SLC12A7: variants seen among roughly 807,000 people sequenced by gnomAD.
SLC12A7 encodes the protein K-Cl cotransporter 4.
In SLC12A7, 100 loss-of-function variants were observed where a neutral mutation model predicts 120.6. The ratio of observed to expected loss-of-function variants is 0.83; its 90% confidence interval spans 0.71 to 0.98. The LOEUF (loss-of-function observed/expected upper bound fraction) is 0.98, where lower values mean the gene tolerates loss of function less well. Among genes scored for constraint, SLC12A7 ranks in the 50% least tolerant of loss-of-function variants. The pLI, the probability that SLC12A7 is intolerant of heterozygous loss-of-function variation, is 0.00. For synonymous variants in SLC12A7, 760 were observed against 678.0 expected, an observed-to-expected ratio of 1.12 and a Z score of -1.88; for missense variants, 1,373 against 1,548.1, an observed-to-expected ratio of 0.89 and a Z score of 1.90.
Position 1,083,725 on chromosome 5 carries a change from T to G in SLC12A7, c.1129+20A>C. On this transcript the variant is annotated intron_variant, in intron 8 of 23. Coordinates refer to ENST00000264930, the MANE Select transcript of SLC12A7 (RefSeq NM_006598.3). ...GCCCCCGCCACCCCCCAGCTCCAGC[T>G]GCAGCCCTGTGAGCCTCACCCAGGA... 6.2e-7 allele frequency: 1 copy of G among 1,610,006 alleles called. No individual in the cohort carries two copies. The highest frequency in any genetic ancestry group is 1.1e-5 in the South Asian group (1 of 91,036).
chr5:1,058,664 G>A (rs34036146), intron 21 of SLC12A7, among the ~76,000 whole-genome samples: 2 of 152,242 alleles, frequency 1.3e-5, no homozygotes, highest in African/African-American at 4.8e-5. Context: ...TGGCACAGAT[G>A]GGGGAGGGCC....
At chr5:1,064,435 G>T (rs1304126567) in intron 18 of SLC12A7, among the ~76,000 whole-genome samples, 183 bp from the exon 19 acceptor site, 1 of 152,254 alleles carries the variant, frequency 6.6e-6, no homozygotes, top group Non-Finnish European at 1.5e-5. Flanking sequence ...GAGTTCAGCT[G>T]CTGGTCATGT....
rs1369949590 is a variant in SLC12A7 at position 1,111,927 on chromosome 5, G to A, written c.65C>T (p.Ala22Val). 1.6e-6 allele frequency: 2 copies of A among 1,283,392 alleles called. No individual in the cohort carries two copies. Among genetic ancestry groups the A allele is most frequent in the South Asian group, 2.6e-5 (1 of 37,798 alleles). The allele number at this position is 1,283,392 out of a possible 1,614,324, so 79.5% of individuals were successfully genotyped here. ...GGTGCCCGGAGCCTCCGTCCGCTCG[G>A]CAGTCTCGTCCCCGCCGCCGTCGGC... is the stretch of plus-strand genomic sequence containing the variant. Reference protein sequence around the residue: ...AHADGGGDETAERTEAPGTPE... With the variant: ...AHADGGGDETVERTEAPGTPE... Residue 22 changes from alanine to valine, a missense_variant, in exon 1 of 24, where the codon GCC (alanine) becomes GTC (valine). Coordinates refer to ENST00000264930, the MANE Select transcript of SLC12A7 (RefSeq NM_006598.3).
rs1420449653 is a variant in SLC12A7, at chr5:1,073,646, T to C, written c.2228A>G (p.Gln743Arg). 6 of 1,603,248 alleles carry C rather than the reference T, an allele frequency of 3.7e-6. No individual in the cohort carries two copies. Among genetic ancestry groups the C allele is most frequent in the Non-Finnish European group, 4.3e-6 (5 of 1,175,678 alleles). Residue 743 changes from glutamine (Q) to arginine (R), a missense_variant, in exon 17 of 24, where the codon CAG (glutamine) becomes CGG (arginine). Gln to Arg is a conservative substitution (Grantham distance 43). Transcript: ENST00000264930. ...GTYLDKHMEA[Q>R]RAEENIRSLM... ...CGCCCGGCCCACCTCCTCGGCCCGC[T>C]GAGCCTCCATGTGCTTGTCCAGGTA... is the stretch of plus-strand genomic sequence containing the variant.
chr5:1,084,715 C>T (rs906256066), intron 7 of SLC12A7, among the ~76,000 whole-genome samples: 4 of 152,148 alleles, frequency 2.6e-5, no homozygotes, highest in Admixed American at 2.0e-4. Context: ...CACGCAGAGA[C>T]GGCAAAACCG....
chr5:1,099,948 G>A (rs1215178564), intron 1 of SLC12A7, among the ~76,000 whole-genome samples: 2 of 152,210 alleles, frequency 1.3e-5, no homozygotes, highest in Non-Finnish European at 2.9e-5. Flanking sequence ...CAACCTGAGG[G>A]CGCATGACCG....
chr5:1,138,590 C>T, the SLC12A7 span, among the ~76,000 whole-genome samples: 16 of 152,190 alleles, frequency 1.1e-4, no homozygotes, highest in South Asian at 4.1e-4. Context: ...GCTTAGAGCC[C>T]GCTCACATAA....
rs780915890 is a variant in SLC12A7 at position 1,053,363 on chromosome 5, T to C, written c.3146A>G (p.Gln1049Arg). 6.2e-7 allele frequency: 1 copy of C among 1,613,934 alleles called. No individual in the cohort carries two copies. Among genetic ancestry groups the C allele is most frequent in the East Asian group, 2.2e-5 (1 of 44,880 alleles). ...AGAAAGGATACAGTTCTCGTCTCCC[T>C]GCCGGTTTTTGGGAGGACCTGGCAT... ...LNMPGPPKNR[Q>R]GDENYMEFLE... is the part of the protein sequence containing the mutation. Residue 1049 changes from glutamine (Q) to arginine (R), a missense_variant, in exon 23 of 24, where the codon CAG (glutamine) becomes CGG (arginine). Gln to Arg is a conservative substitution (Grantham distance 43, BLOSUM62 1). Coordinates refer to ENST00000264930, the MANE Select transcript of SLC12A7 (RefSeq NM_006598.3).
Position 1,075,351 on chromosome 5 carries a change from G to C in SLC12A7, c.1967+20C>G. On this transcript the variant is annotated intron_variant, in intron 15 of 23. Transcript: ENST00000264930. ...GCCCTCCCGTGCGCCGGGTCTGTAA[G>C]GGGGGCTGACAGCGCTTACCCGCGG... 2 of 1,605,320 alleles carry C rather than the reference G, an allele frequency of 1.2e-6. No individual in the cohort carries two copies. Among genetic ancestry groups the C allele is most frequent in the Non-Finnish European group, 1.7e-6 (2 of 1,173,922 alleles).
the SLC12A7 span, among the ~76,000 whole-genome samples, chr5:1,145,071 G>A: frequency 6.6e-6 from 1 of 152,248 alleles, no homozygotes; most frequent in African/African-American, 2.4e-5. The surrounding 1 kb of genome is among the most constrained non-coding windows in gnomAD (Gnocchi z 4.4). Flanking sequence ...GGCCTGGAGG[G>A]CTGGAGAGAG....
At chr5:1,057,770 G>C in intron 21 of SLC12A7, 121 bp from the exon 22 acceptor site, 2 of 949,706 alleles carry the variant, frequency 2.1e-6, no homozygotes, top group Non-Finnish European at 3.1e-6. Flanking sequence ...CTGTGTGCCT[G>C]ACCCGGGACC....
chr5:1,148,277 A>C, the SLC12A7 span, among the ~76,000 whole-genome samples: 1 of 123,320 alleles, frequency 8.1e-6, no homozygotes, highest in African/African-American at 3.2e-5. Flanking sequence ...TGCGATCTCC[A>C]CTCACTGCAA....
rs1736611542 is a variant in SLC12A7 at position 1,063,870 on chromosome 5, T to C, written c.2713A>G (p.Ser905Gly). ...LQMFLYHLRI[S>G]AEVEVVEMVE... is the part of the protein sequence containing the mutation. ...ATCTCCACCACCTCCACCTCGGCGC[T>C]GATGCGCAAGTGGTACAAGAACATC... is the stretch of plus-strand genomic sequence containing the variant. Residue 905 changes from serine (S) to glycine (G), a missense_variant, in exon 20 of 24, where the codon AGC (serine) becomes GGC (glycine). By Grantham distance (56) the Ser-to-Gly change is moderately conservative. Transcript: ENST00000264930. The C allele has an allele frequency of 6.4e-7, 1 of 1,555,852 alleles. No individual in the cohort carries two copies. Among genetic ancestry groups the C allele is most frequent in the African/African-American group, 1.4e-5 (1 of 71,054 alleles).
Position 1,050,958 on chromosome 5 carries a change from A to C in SLC12A7, c.*1402T>G. ...TTGGGAGACCATGCAAGCCAGACGT[A>C]GCCCAAGGCCTGGCCATCTGGGGCC... is the stretch of plus-strand genomic sequence containing the variant. On this transcript the variant is annotated 3_prime_UTR_variant, in exon 24 of 24. Transcript: ENST00000264930. The C allele has an allele frequency of 2.5e-6, 1 of 398,660 alleles. No homozygotes were observed. The highest frequency in any genetic ancestry group is 3.6e-5 in the East Asian group (1 of 28,086). 24.7% of individuals were successfully genotyped at this position (398,660 alleles called of 1,614,324 possible).
the SLC12A7 span, among the ~76,000 whole-genome samples, chr5:1,153,680 G>A: frequency 0.012 from 1,776 of 152,298 alleles, 14 homozygotes; most frequent in Admixed American, 0.018. Context: ...GAGGACGCCC[G>A]AGAACCCTGC....
chr5:1,098,751 ACACCCAGCCCCCCTCTAACCCTC>A (rs1741659553), intron 1 of SLC12A7, among the ~76,000 whole-genome samples: 1 of 86,334 alleles, frequency 1.2e-5, no homozygotes, highest in African/African-American at 4.6e-5. Flanking sequence ...AACCCTCTGC[ACACCCAGCCCCCCTCTAACCCTC>A]TGCTCACCCA....
chr5:1,120,551 G>A, the SLC12A7 span, among the ~76,000 whole-genome samples: 1 of 152,214 alleles, frequency 6.6e-6, no homozygotes, highest in African/African-American at 2.4e-5. Flanking sequence ...GGCCACTGTG[G>A]AAAACTCCAG....
chr5:1,055,580 C>G (rs1228791971), intron 22 of SLC12A7, among the ~76,000 whole-genome samples: 2 of 152,176 alleles, frequency 1.3e-5, no homozygotes, highest in African/African-American at 4.8e-5. Context: ...ATACAAAGCC[C>G]ACGCGTTGTC....
At chr5:1,117,968 C>T in the SLC12A7 span, among the ~76,000 whole-genome samples, 7 of 152,056 alleles carry the variant, frequency 4.6e-5, no homozygotes, top group East Asian at 1.9e-4. The surrounding 1 kb of genome is among the most constrained non-coding windows in gnomAD (Gnocchi z 4.5). Context: ...CCCAGCTACT[C>T]GGGAGGCTGA....
Sources: gnomAD v4.1 joint callset for allele counts (sites outside exome capture counted in the v4.1 genomes callset) on GRCh38, gnomAD v4.1.1 for gene constraint, Gnocchi (gnomAD v3.1) non-coding constraint, MANE v1.5 for transcripts, NCBI Gene and HGNC (gene_info 2026-07-23, HGNC 2026-07-21) for gene names.